The following MGAT4C variants were observed in gnomAD, a reference collection of about 807,000 sequenced individuals.
MGAT4C encodes the protein alpha-1,3-mannosyl-glycoprotein 4-beta-N-acetylglucosaminyltransferase C.
MGAT4C carries 19 observed loss-of-function variants against 40.1 expected under a neutral mutation model. The ratio of observed to expected loss-of-function variants is 0.47; its 90% confidence interval spans 0.33 to 0.70. The LOEUF (loss-of-function observed/expected upper bound fraction) is 0.70. Ranked by LOEUF, MGAT4C falls within the 30% of genes least tolerant of loss-of-function variation. The pLI is 0.02. For synonymous variants in MGAT4C, 181 were observed against 187.1 expected (o/e 0.97, Z 0.27); for missense variants, 491 against 563.2 (o/e 0.87, Z 1.30).
intron 4 of MGAT4C, among the ~76,000 whole-genome samples, chr12:86,332,607 C>G (rs1954694697): frequency 6.6e-6 from 1 of 151,770 alleles, no homozygotes; most frequent in Non-Finnish European, 1.5e-5. Context: ...CAGTAAAAAG[C>G]CATATCGTAA....
intron 2 of MGAT4C, among the ~76,000 whole-genome samples, chr12:86,485,313 A>G (rs1263481539): frequency 6.6e-6 from 1 of 152,186 alleles, no homozygotes; most frequent in Non-Finnish European, 1.5e-5. Flanking sequence ...ACAAGTTGAA[A>G]CCCAATCCAA....
At chr12:86,253,197 GA>G (rs1416492420) in intron 1 of MGAT4C, among the ~76,000 whole-genome samples, 1 of 151,478 alleles carries the variant, frequency 6.6e-6, no homozygotes, top group Admixed American at 6.6e-5. Context: ...TTTTCAGGTA[GA>G]AAAAAAATAA....
intron 1 of MGAT4C, among the ~76,000 whole-genome samples, chr12:86,147,265 G>T (rs1033936660): frequency 6.0e-5 from 9 of 151,208 alleles, no homozygotes; most frequent in Admixed American, 2.0e-4. Context: ...TTTTTGAGAC[G>T]TAGTCTCGCT....
At chr12:86,033,727 A>G (rs986673157) in intron 2 of MGAT4C, among the ~76,000 whole-genome samples, 1 of 149,374 alleles carries the variant, frequency 6.7e-6, no homozygotes, top group East Asian at 1.9e-4. Flanking sequence ...CTCTCTTTCA[A>G]TTACTATGCC....
chr12:86,165,045 T>G lies in MGAT4C; in HGVS notation c.-57+91194A>C, dbSNP rs560980799. On this transcript the variant is annotated intron_variant, in intron 1 of 4. Coordinates refer to ENST00000611864, the MANE Select transcript of MGAT4C (RefSeq NM_001351288.2). The stretch of plus-strand genomic sequence containing the variant: ...TCAGGTTTAAAATGATATTAAATTT[T>G]GAATATGATAATTTGGTAGATAGGA... Among the ~76,000 whole-genome samples, 60 of 152,290 alleles carry G rather than the reference T, an allele frequency of 3.9e-4. No individual in the cohort carries two copies. The South Asian group carries it at 0.012, about 29-fold the overall frequency.
intron 2 of MGAT4C, among the ~76,000 whole-genome samples, chr12:86,444,205 ATG>A (rs1235562286): frequency 2.0e-5 from 3 of 152,160 alleles, no homozygotes; most frequent in Non-Finnish European, 2.9e-5. Context: ...TCTAACAATT[ATG>A]TGATTCCTTC....
intron 1 of MGAT4C, among the ~76,000 whole-genome samples, chr12:86,060,989 G>A (rs1436010716): frequency 3.3e-5 from 5 of 152,106 alleles, no homozygotes; most frequent in African/African-American, 7.2e-5. Flanking sequence ...CCCAATATGG[G>A]CTTTCAACTT....
At chr12:86,619,789 C>T (rs1403568633) in intron 2 of MGAT4C, among the ~76,000 whole-genome samples, 1 of 152,048 alleles carries the variant, frequency 6.6e-6, no homozygotes, top group Admixed American at 6.6e-5. Context: ...ATAGCATATA[C>T]TTATTCTGTT....
chr12:86,053,795 A>G (rs1167070771), intron 1 of MGAT4C, among the ~76,000 whole-genome samples: 1 of 151,890 alleles, frequency 6.6e-6, no homozygotes, highest in Non-Finnish European at 1.5e-5. Context: ...TCAAAAGAAG[A>G]CCAACAGGTA....
intron 2 of MGAT4C, among the ~76,000 whole-genome samples, chr12:86,025,563 G>A (rs1179812271): frequency 6.6e-6 from 1 of 151,436 alleles, no homozygotes; most frequent in Non-Finnish European, 1.5e-5. Context: ...TTTATATGTT[G>A]TTTCAAATAT....
At chr12:86,686,973 T>G (rs1015684051) in intron 2 of MGAT4C, among the ~76,000 whole-genome samples, 1 of 152,028 alleles carries the variant, frequency 6.6e-6, no homozygotes, top group African/African-American at 2.4e-5. Flanking sequence ...CTGGGCTTTT[T>G]GTTGTTGTTG....
intron 1 of MGAT4C, among the ~76,000 whole-genome samples, chr12:86,251,189 A>C (rs561191846): frequency 6.7e-6 from 1 of 149,932 alleles, no homozygotes; most frequent in South Asian, 2.1e-4. Context: ...GGAACAACAA[A>C]TTGTATTCCG....
intron 3 of MGAT4C, among the ~76,000 whole-genome samples, chr12:86,387,961 A>G (rs1205507127): frequency 2.0e-5 from 3 of 152,186 alleles, no homozygotes; most frequent in Non-Finnish European, 4.4e-5. Context: ...TATGAAATTC[A>G]GTAAGTGTGT....
At chr12:86,334,506 C>T (rs12302310) in intron 3 of MGAT4C, among the ~76,000 whole-genome samples, 12,216 of 152,060 alleles carry the variant, frequency 0.08, 1,203 homozygotes, top group East Asian at 0.25. Context: ...ATCAATTTAG[C>T]TAAATTATCT....
At chr12:86,446,678 T>TATATATATATATATATAC (rs1424671827) in intron 2 of MGAT4C, among the ~76,000 whole-genome samples, 1 of 118,712 alleles carries the variant, frequency 8.4e-6, no homozygotes, top group Non-Finnish European at 1.8e-5. Flanking sequence ...TATATATATA[T>TATATATATATATATATAC]ATATATATAT....
At chr12:86,307,480 G>C (rs996585512) in intron 4 of MGAT4C, among the ~76,000 whole-genome samples, 1 of 150,240 alleles carries the variant, frequency 6.7e-6, no homozygotes, top group Non-Finnish European at 1.5e-5. Flanking sequence ...ATCTAGCCAT[G>C]AGCTGGAACT....
intron 3 of MGAT4C, among the ~76,000 whole-genome samples, chr12:86,419,155 A>G (rs1289024415): frequency 6.6e-6 from 1 of 152,066 alleles, no homozygotes; most frequent in Non-Finnish European, 1.5e-5. Flanking sequence ...AAATTTCATG[A>G]TCTGTTATAA....
At chr12:86,248,687 C>G (rs1325630868) in intron 1 of MGAT4C, among the ~76,000 whole-genome samples, 2 of 152,108 alleles carry the variant, frequency 1.3e-5, no homozygotes, top group Non-Finnish European at 2.9e-5. Flanking sequence ...TGATACACCA[C>G]CACCACCATC....
chr12:86,705,499 T>C (rs988238682), intron 2 of MGAT4C, among the ~76,000 whole-genome samples: 5 of 151,710 alleles, frequency 3.3e-5, no homozygotes, highest in African/African-American at 1.2e-4. Context: ...GAGTTTAGGA[T>C]GGATCCCAGG....
Sources: allele counts gnomAD v4.1 joint callset (sites outside exome capture counted in the v4.1 genomes callset), GRCh38; gene constraint gnomAD v4.1.1; transcripts MANE v1.5; gene names NCBI Gene and HGNC (gene_info 2026-07-23, HGNC 2026-07-21).